The following NEBL variants were observed in gnomAD, a reference collection of about 807,000 sequenced individuals.
NEBL encodes nebulette, also known as LIM and SH3 protein 2.
In NEBL, 122 loss-of-function variants were observed where a neutral mutation model predicts 140.2. The observed-to-expected ratio is 0.87, with a 90% CI of 0.75 to 1.01. NEBL has a LOEUF of 1.01. Among genes scored for constraint, NEBL ranks in the 50% least tolerant of loss-of-function variants. The pLI, the probability that NEBL is intolerant of heterozygous loss-of-function variation, is 0.00. For synonymous variants in NEBL, 436 were observed against 398.9 expected (o/e 1.09, Z -1.11); for missense variants, 1,365 against 1,231.3 (o/e 1.11, Z -1.62).
intron 3 of NEBL, among the ~76,000 whole-genome samples, chr10:21,221,660 A>G (rs1842069099): frequency 6.6e-6 from 1 of 152,010 alleles, no homozygotes; most frequent in South Asian, 2.1e-4. Context: ...ACATGCCACC[A>G]CACCCAGCTA....
intron 5 of NEBL, among the ~76,000 whole-genome samples, chr10:20,879,538 A>T (rs1845822779): frequency 6.6e-6 from 1 of 152,206 alleles, no homozygotes; most frequent in Non-Finnish European, 1.5e-5. Flanking sequence ...TTACTTAAAC[A>T]TTTGCTTACT....
At chr10:21,001,190 A>G (rs545904021) in intron 3 of NEBL, among the ~76,000 whole-genome samples, 347 of 152,332 alleles carry the variant, frequency 2.3e-3, no homozygotes, top group Non-Finnish European at 3.7e-3. Flanking sequence ...AGGTCCAGCC[A>G]GCCGACAGAC....
At chr10:21,178,608 T>G (rs1313699951), upstream of NEBL, among the ~76,000 whole-genome samples, 3 of 152,224 alleles carry the variant, frequency 2.0e-5, no homozygotes, top group Admixed American at 6.5e-5. Context: ...TTTCCTGTTT[T>G]GGGGATTATT....
intron 2 of NEBL, among the ~76,000 whole-genome samples, chr10:21,159,637 A>G (rs977285697): frequency 6.6e-6 from 1 of 152,196 alleles, no homozygotes; most frequent in Non-Finnish European, 1.5e-5. Flanking sequence ...GACATTTCCA[A>G]TCTGGACAAG....
intron 24 of NEBL, among the ~76,000 whole-genome samples, chr10:20,810,371 A>AC (rs1168169936): frequency 1.3e-5 from 2 of 152,282 alleles, no homozygotes; most frequent in African/African-American, 2.4e-5. Context: ...AAACAAACAA[A>AC]AAAAAAGTCC....
intron 2 of NEBL, among the ~76,000 whole-genome samples, chr10:20,892,763 A>T (rs1847135334): frequency 6.6e-6 from 1 of 152,222 alleles, no homozygotes; most frequent in East Asian, 1.9e-4. Flanking sequence ...GATTAGCTAA[A>T]GGCTGAAATC....
At chr10:21,192,315 C>T (rs1841586743) in intron 3 of NEBL, among the ~76,000 whole-genome samples, 1 of 151,694 alleles carries the variant, frequency 6.6e-6, no homozygotes, top group African/African-American at 2.4e-5. Flanking sequence ...CCTCAGCCTC[C>T]TGAGTAGCTG....
chr10:20,950,516 G>C (rs1475018078), intron 4 of NEBL, among the ~76,000 whole-genome samples: 2 of 152,130 alleles, frequency 1.3e-5, no homozygotes, highest in South Asian at 2.1e-4. Flanking sequence ...AGGCCCTCAT[G>C]CATCCTAGGA....
At chr10:20,915,118 A>T (rs1848491868) in intron 4 of NEBL, among the ~76,000 whole-genome samples, 1 of 151,904 alleles carries the variant, frequency 6.6e-6, no homozygotes, top group South Asian at 2.1e-4. Context: ...ATATTTTCTC[A>T]GTAAAAGTTA....
chr10:20,828,497 G>C (rs1463069342), intron 17 of NEBL, 33 bp downstream of exon 17: 1 of 1,396,724 alleles, frequency 7.2e-7, no homozygotes, highest in Admixed American at 1.7e-5. Flanking sequence ...AAAATTTCAA[G>C]GTGGCAACTT....
At chr10:21,179,496 G>A (rs1298296108), upstream of NEBL, among the ~76,000 whole-genome samples, 1 of 143,892 alleles carries the variant, frequency 6.9e-6, no homozygotes, top group African/African-American at 2.7e-5. Flanking sequence ...AGCCCCTCAC[G>A]CTCCATCATC....
chr10:21,071,786 T>C (rs762663675), intron 2 of NEBL, among the ~76,000 whole-genome samples: 14 of 141,518 alleles, frequency 9.9e-5, no homozygotes, highest in Non-Finnish European at 1.4e-4. Context: ...AGGTCCAAAA[T>C]CAAAGTTACA....
At chr10:21,236,903 G>C (rs1381591175) in intron 3 of NEBL, among the ~76,000 whole-genome samples, 4 of 152,170 alleles carry the variant, frequency 2.6e-5, no homozygotes, top group Non-Finnish European at 4.4e-5. Flanking sequence ...TAACTACCTA[G>C]TAAGATAGGT....
intron 3 of NEBL, among the ~76,000 whole-genome samples, chr10:21,180,459 C>T (rs1841369483): frequency 6.6e-6 from 1 of 152,142 alleles, no homozygotes; most frequent in African/African-American, 2.4e-5. Context: ...TCTTTCTCCG[C>T]CCCATCGAAA....
chr10:20,893,013 G>C (rs1847153282), intron 2 of NEBL, among the ~76,000 whole-genome samples: 1 of 152,070 alleles, frequency 6.6e-6, no homozygotes, highest in South Asian at 2.1e-4. Flanking sequence ...TAATGTTTTT[G>C]GCATTGAAAG....
At chr10:21,267,566 T>C (rs1842811481) in intron 1 of NEBL, among the ~76,000 whole-genome samples, 1 of 152,200 alleles carries the variant, frequency 6.6e-6, no homozygotes, top group South Asian at 2.1e-4. Flanking sequence ...GGGATCCTCT[T>C]TCTCACGCAA....
In NEBL at chr10:20,785,621, A is replaced by C. The variant is rs535767481; in HGVS notation, c.*126T>G. ...CCTTCTTCCTGGTACCTGTGTGTCT[A>C]ATTGTCAAAGGAAGGATACATCATT... On this transcript the variant is annotated 3_prime_UTR_variant, in exon 28 of 28. Transcript: ENST00000377122. 670 of 1,104,084 alleles carry C rather than the reference A, an allele frequency of 6.1e-4. 1 individual carries two copies. The highest frequency in any genetic ancestry group is 4.0e-4 in the Non-Finnish European group (302 of 750,390). 68.4% of individuals were successfully genotyped at this position (1,104,084 alleles called of 1,614,324 possible).
intron 26 of NEBL, among the ~76,000 whole-genome samples, chr10:20,787,634 T>C (rs1166942724): frequency 1.3e-5 from 2 of 152,210 alleles, no homozygotes; most frequent in African/African-American, 2.4e-5. Flanking sequence ...TATTCGACCA[T>C]GTGATCCTTT....
At chr10:21,008,213 G>T (rs1309870752) in intron 3 of NEBL, among the ~76,000 whole-genome samples, 1 of 152,064 alleles carries the variant, frequency 6.6e-6, no homozygotes, top group East Asian at 1.9e-4. Flanking sequence ...GAATATGTTT[G>T]CATATTGTAT....
Sources: gnomAD v4.1 joint callset for allele counts (sites outside exome capture counted in the v4.1 genomes callset) on GRCh38, gnomAD v4.1.1 for gene constraint, MANE v1.5 for transcripts, NCBI Gene and HGNC (gene_info 2026-07-23, HGNC 2026-07-21) for gene names.